The following TLR4 variants were observed in gnomAD, a reference collection of about 807,000 sequenced individuals.
The protein encoded by TLR4 is toll-like receptor 4.
In TLR4, 17 loss-of-function variants were observed where a neutral mutation model predicts 27.4. The ratio of observed to expected loss-of-function variants is 0.62; its 90% confidence interval spans 0.42 to 0.93. The LOEUF (loss-of-function observed/expected upper bound fraction) is 0.93, where lower values mean the gene tolerates loss of function less well. Ranked by LOEUF, TLR4 falls within the 40% of genes least tolerant of loss-of-function variation. The pLI, the probability that TLR4 is intolerant of heterozygous loss-of-function variation, is 0.00. For missense variants in TLR4, 926 were observed against 962.3 expected (o/e 0.96, Z 0.50); for synonymous variants, 363 against 365.7 (o/e 0.99, Z 0.08).
At chr9:117,710,161 A>T (rs766630703) in intron 2 of TLR4, among the ~76,000 whole-genome samples, 7 of 152,070 alleles carry the variant, frequency 4.6e-5, no homozygotes, top group Non-Finnish European at 1.0e-4. Flanking sequence ...CGATACCATC[A>T]CTCAGGTAGT....
rs1829404429 is a variant in TLR4 at position 117,719,981 on chromosome 9, C to T, written c.*5333C>T. ...TGCCCAGAGAGGACGAGTAACTTGC[C>T]TTAGGTCACACAGCTTATATTAATC... On this transcript the variant is annotated 3_prime_UTR_variant, in exon 3 of 3. Transcript: ENST00000355622. 6.6e-6 allele frequency: 1 copy of T among 152,126 alleles called. No individual in the cohort carries two copies. The highest frequency in any genetic ancestry group is 2.4e-5 in the African/African-American group (1 of 41,420). 9.4% of individuals were successfully genotyped at this position (152,126 alleles called of 1,614,324 possible). A position where few individuals can be genotyped will look rare whatever the true frequency, so the allele number is the denominator to read the frequency against.
chr9:117,708,648 A>G lies in TLR4; in HGVS notation c.179A>G (p.Asp60Gly). The G allele has an allele frequency of 1.2e-6, 2 of 1,613,992 alleles. No homozygotes were observed. Among genetic ancestry groups the G allele is most frequent in the Non-Finnish European group, 1.7e-6 (2 of 1,179,884 alleles). ...CTCCCCTTCTCAACCAAGAACCTGG[A>G]CCTGAGCTTTAATCCCCTGAGGCAT... ...DNLPFSTKNL[D>G]LSFNPLRHLG... is the part of the protein sequence containing the mutation. The change falls in exon 2 of 3, where the codon GAC (aspartate) becomes GGC (glycine). Residue 60 changes from aspartate (D) to glycine (G), a missense_variant. Asp to Gly is a moderately conservative substitution (Grantham distance 94, BLOSUM62 -1). Transcript: ENST00000355622.
chr9:117,706,169 G>C lies in TLR4; in HGVS notation c.93+1604G>C, dbSNP rs187161289. 2.5e-3 allele frequency among the ~76,000 whole-genome samples: 377 copies of C among 152,142 alleles called. 1 individual carries two copies. The highest frequency in any genetic ancestry group is 8.8e-3 in the African/African-American group (366 of 41,490). On this transcript the variant is annotated intron_variant, in intron 1 of 2. Transcript: ENST00000355622. ...TTCACATTTCTTGTGTTTGATAACT[G>C]TGTATGGCTAGTGACTACCGTATTG... is the stretch of plus-strand genomic sequence containing the variant.
rs557489661 is a variant in TLR4 at position 117,714,264 on chromosome 9, T to C, written c.2136T>C (p.Phe712=). 1.2e-5 allele frequency: 19 copies of C among 1,597,788 alleles called. No individual in the cohort carries two copies. Among genetic ancestry groups the C allele is most frequent in the Non-Finnish European group, 1.6e-5 (19 of 1,168,054 alleles). The change falls in exon 3 of 3, where the codon TTT becomes TTC. Residue 712 remains phenylalanine (F), a synonymous_variant. Coordinates refer to ENST00000355622, the MANE Select transcript of TLR4 (RefSeq NM_138554.5). ...PFQLCLHYRD[F]IPGVAIAANI... ...AGCTCTGCCTTCACTACAGAGACTTTATTCCCGGTGTGGCCATTGCTGCCA... is the reference window on the plus strand; with the variant it reads ...AGCTCTGCCTTCACTACAGAGACTTCATTCCCGGTGTGGCCATTGCTGCCA...
chr9:117,707,290 A>G (rs1053118163), intron 1 of TLR4, among the ~76,000 whole-genome samples: 1 of 152,196 alleles, frequency 6.6e-6, no homozygotes, highest in Non-Finnish European at 1.5e-5. Context: ...GACTTTGCGC[A>G]TATTACTTCA....
Position 117,719,423 on chromosome 9 carries a change from A to G in TLR4, c.*4775A>G, listed in dbSNP as rs1320707355. On this transcript the variant is annotated 3_prime_UTR_variant, in exon 3 of 3. Transcript: ENST00000355622. ...AAGCAGGGCTTCTAAATACTGTTCT[A>G]TGGCAAGAGCACCCTGCTCTCACAA... 6.6e-6 allele frequency: 1 copy of G among 152,166 alleles called. No individual in the cohort carries two copies. The highest frequency in any genetic ancestry group is 1.5e-5 in the Non-Finnish European group (1 of 68,032). The allele number at this position is 152,166 out of a possible 1,614,324, so 9.4% of individuals were successfully genotyped here.
In TLR4 at chr9:117,714,617, G is replaced by A. The variant is rs756102164; in HGVS notation, c.2489G>A (p.Gly830Glu). Residue 830 changes from glycine to glutamate, a missense_variant, in exon 3 of 3, where the codon GGA becomes GAA. Coordinates refer to ENST00000355622, the MANE Select transcript of TLR4 (RefSeq NM_138554.5). ...AATCCAGAAGGAACAGTGGGTACAG[G>A]ATGCAATTGGCAGGAAGCAACATCT... ...SWNPEGTVGT[G>E]CNWQEATSI 4 of 1,613,398 alleles carry A rather than the reference G, an allele frequency of 2.5e-6. No homozygotes were observed. Among genetic ancestry groups the A allele is most frequent in the Admixed American group, 3.3e-5 (2 of 60,010 alleles).
chr9:117,712,536 A>T lies in TLR4; in HGVS notation c.408A>T (p.Thr136=), dbSNP rs1265700458. The T allele has an allele frequency of 6.2e-7, 1 of 1,613,898 alleles. No individual in the cohort carries two copies. Among genetic ancestry groups the T allele is most frequent in the African/African-American group, 1.3e-5 (1 of 74,900 alleles). Reference sequence around the variant, plus strand: ...TACAGAAGCTGGTGGCTGTGGAGACAAATCTAGCATCTCTAGAGAACTTCC... The same window carrying T: ...TACAGAAGCTGGTGGCTGTGGAGACTAATCTAGCATCTCTAGAGAACTTCC... ...SSLQKLVAVE[T]NLASLENFPI... is the part of the protein sequence containing the mutation. The change falls in exon 3 of 3, where the codon ACA becomes ACT. Residue 136 remains threonine, a synonymous_variant. Transcript: ENST00000355622.
At position 117,713,783 on chromosome 9, in the gene TLR4, G is replaced by C; in HGVS notation, c.1655G>C (p.Ser552Thr). The change falls in exon 3 of 3, where the codon AGT (serine) becomes ACT (threonine). Residue 552 changes from serine to threonine, a missense_variant. Transcript: ENST00000355622. ...AACTCCCTCCAGGTTCTTGATTACA[G>C]TCTCAATCACATAATGACTTCCAAA... is the stretch of plus-strand genomic sequence containing the variant. ...CLNSLQVLDY[S>T]LNHIMTSKKQ... The C allele has an allele frequency of 6.2e-7, 1 of 1,613,912 alleles. No homozygotes were observed. Among genetic ancestry groups the C allele is most frequent in the Non-Finnish European group, 8.5e-7 (1 of 1,179,990 alleles).
intron 1 of TLR4, 98 bp from the exon 2 acceptor site, chr9:117,708,465 G>A (rs968759262): frequency 1.2e-6 from 2 of 1,600,558 alleles, no homozygotes; most frequent in Non-Finnish European, 1.7e-6. Context: ...TTTTGTGCTT[G>A]CACAAAAAGA....
At chr9:117,705,990 C>T (rs190350442) in intron 1 of TLR4, among the ~76,000 whole-genome samples, 251 of 151,666 alleles carry the variant, frequency 1.7e-3, no homozygotes, top group Middle Eastern at 0.014. Context: ...AATTTAATTT[C>T]GATAATAGTT....
At position 117,723,544 on chromosome 9, in the gene TLR4, C is replaced by T. The variant is rs1175008520; in HGVS notation, c.*8896C>T. 3 of 152,062 alleles carry T rather than the reference C, an allele frequency of 2.0e-5. No homozygotes were observed. The highest frequency in any genetic ancestry group is 7.2e-5 in the African/African-American group (3 of 41,384). The allele number at this position is 152,062 out of a possible 1,614,324, so 9.4% of individuals were successfully genotyped here. A position where few individuals can be genotyped will look rare whatever the true frequency, so the allele number is the denominator to read the frequency against. On this transcript the variant is annotated 3_prime_UTR_variant, in exon 3 of 3. Transcript: ENST00000355622. Reference sequence around the variant, plus strand: ...TTTTGAGAATGAAATGAGACAGAGCCTCCAATAAAATTTAGGGAAGTGCTA... The same window carrying T: ...TTTTGAGAATGAAATGAGACAGAGCTTCCAATAAAATTTAGGGAAGTGCTA...
At position 117,718,387 on chromosome 9, in the gene TLR4, T is replaced by A. The variant is rs1829383489; in HGVS notation, c.*3739T>A. 1 of 152,146 alleles carries A rather than the reference T, an allele frequency of 6.6e-6. No individual in the cohort carries two copies. The highest frequency in any genetic ancestry group is 2.4e-5 in the African/African-American group (1 of 41,432). The allele number at this position is 152,146 out of a possible 1,614,324, so 9.4% of individuals were successfully genotyped here. Reference sequence around the variant, plus strand: ...ATGCATATATGTTATACATACCAAATGATTTATTTATAACCCTATCTTTCC... The same window carrying A: ...ATGCATATATGTTATACATACCAAAAGATTTATTTATAACCCTATCTTTCC... On this transcript the variant is annotated 3_prime_UTR_variant, in exon 3 of 3. Coordinates refer to ENST00000355622, the MANE Select transcript of TLR4 (RefSeq NM_138554.5).
Position 117,721,280 on chromosome 9 carries a change from C to G in TLR4, c.*6632C>G, listed in dbSNP as rs1051830912. The G allele has an allele frequency of 6.6e-6, 1 of 152,166 alleles. No individual in the cohort carries two copies. Among genetic ancestry groups the G allele is most frequent in the South Asian group, 2.1e-4 (1 of 4,826 alleles). The allele number at this position is 152,166 out of a possible 1,614,324, so 9.4% of individuals were successfully genotyped here. On this transcript the variant is annotated 3_prime_UTR_variant, in exon 3 of 3. Transcript: ENST00000355622. ...ATGTCTGTTATTTCATTCTCCATGTCCATGTCTACAAATTATTTAGTTTCC... is the reference window on the plus strand; with the variant it reads ...ATGTCTGTTATTTCATTCTCCATGTGCATGTCTACAAATTATTTAGTTTCC...
Position 117,714,480 on chromosome 9 carries a change from G to A in TLR4, c.2352G>A (p.Glu784=), listed in dbSNP as rs763287226. ...AGACCCTGCTCAGGCAGCAGGTGGAGCTGTACCGCCTTCTCAGCAGGAACA... is the reference window on the plus strand; with the variant it reads ...AGACCCTGCTCAGGCAGCAGGTGGAACTGTACCGCCTTCTCAGCAGGAACA... ...VEKTLLRQQV[E]LYRLLSRNTY... is the part of the protein sequence containing the mutation. The change falls in exon 3 of 3, where the codon GAG becomes GAA. Residue 784 remains glutamate, a synonymous_variant. Transcript: ENST00000355622. 2.5e-6 allele frequency: 4 copies of A among 1,613,816 alleles called. No homozygotes were observed. The highest frequency in any genetic ancestry group is 3.4e-6 in the Non-Finnish European group (4 of 1,180,012).
At chr9:117,708,081 T>C in intron 1 of TLR4, 1 of 554,802 alleles carries the variant, frequency 1.8e-6, no homozygotes, top group Non-Finnish European at 2.3e-6. Context: ...AATTTTAGTG[T>C]ATGTGCTACT....
rs2131171267 is a variant in TLR4, at chr9:117,713,268, C to T, written c.1140C>T (p.Leu380=). ...VDLPSLEFLD[L]SRNGLSFKGC... ...TACCAAGCCTTGAGTTTCTAGATCT[C>T]AGTAGAAATGGCTTGAGTTTCAAAG... The change falls in exon 3 of 3, where the codon CTC becomes CTT. Residue 380 remains leucine, a synonymous_variant. Coordinates refer to ENST00000355622, the MANE Select transcript of TLR4 (RefSeq NM_138554.5). 1 of 1,613,990 alleles carries T rather than the reference C, an allele frequency of 6.2e-7. No individual in the cohort carries two copies. Among genetic ancestry groups the T allele is most frequent in the East Asian group, 2.2e-5 (1 of 44,850 alleles).
chr9:117,708,593 G>C lies in TLR4; in HGVS notation c.124G>C (p.Glu42Gln), dbSNP rs746061968. 5 of 1,613,812 alleles carry C rather than the reference G, an allele frequency of 3.1e-6. No homozygotes were observed. The highest frequency in any genetic ancestry group is 4.2e-6 in the Non-Finnish European group (5 of 1,179,814). ...TCCTAATATTACTTATCAATGCATG[G>C]AGCTGAATTTCTACAAAATCCCCGA... ...VVPNITYQCM[E>Q]LNFYKIPDNL... Residue 42 changes from glutamate (E) to glutamine (Q), a missense_variant, in exon 2 of 3, where the codon GAG becomes CAG. By Grantham distance (29) the Glu-to-Gln change is conservative (BLOSUM62 2). Coordinates refer to ENST00000355622, the MANE Select transcript of TLR4 (RefSeq NM_138554.5).
At chr9:117,706,677 A>G (rs1018948252) in intron 1 of TLR4, among the ~76,000 whole-genome samples, 2 of 152,074 alleles carry the variant, frequency 1.3e-5, no homozygotes, top group African/African-American at 4.8e-5. Context: ...CCCTTTCCAC[A>G]TATCTAAACC....
Sources: gnomAD v4.1 joint callset for allele counts (sites outside exome capture counted in the v4.1 genomes callset) on GRCh38, gnomAD v4.1.1 for gene constraint, MANE v1.5 for transcripts, NCBI Gene and HGNC (gene_info 2026-07-23, HGNC 2026-07-21) for gene names.